UNC13C: variants seen among roughly 807,000 people sequenced by gnomAD.
UNC13C encodes protein unc-13 homolog C.
Under a neutral mutation model 245.4 loss-of-function variants are expected in UNC13C, and 174 were observed. The observed-to-expected ratio is 0.71, with a 90% CI of 0.63 to 0.80. The LOEUF (loss-of-function observed/expected upper bound fraction) is 0.80, where lower values mean the gene tolerates loss of function less well. Among genes scored for constraint, UNC13C ranks in the 30% least tolerant of loss-of-function variants. The pLI is 0.00. For missense variants in UNC13C, 2,829 were observed against 2,602.9 expected (o/e 1.09, Z -1.89); for synonymous variants, 992 against 895.1 (o/e 1.11, Z -1.93).
At chr15:53,903,228 T>G in the UNC13C span, among the ~76,000 whole-genome samples, 24 of 152,338 alleles carry the variant, frequency 1.6e-4, no homozygotes, top group African/African-American at 5.8e-4. Context: ...CATCTCAGAT[T>G]TCAAGATTGG....
At chr15:54,505,766 A>ATTTTTT in intron 22 of UNC13C, among the ~76,000 whole-genome samples, 1 of 121,940 alleles carries the variant, frequency 8.2e-6, no homozygotes. Flanking sequence ...TTTTTTTGAG[A>ATTTTTT]CAATCTCGCT....
intron 2 of UNC13C, among the ~76,000 whole-genome samples, chr15:54,138,953 A>ATCTTTTTTTTTTTT (rs2031872234): frequency 2.1e-5 from 1 of 48,632 alleles, no homozygotes; most frequent in Non-Finnish European, 3.5e-5. Context: ...ATTTCCCCTA[A>ATCTTTTTTTTTTTT]TTTTTTTTTT....
chr15:53,893,977 A>G, the UNC13C span, among the ~76,000 whole-genome samples: 1 of 152,216 alleles, frequency 6.6e-6, no homozygotes, highest in Non-Finnish European at 1.5e-5. Context: ...TGGGGCAGGC[A>G]CTGGAGGGAA....
chr15:53,933,794 C>T, the UNC13C span, among the ~76,000 whole-genome samples: 2 of 152,142 alleles, frequency 1.3e-5, no homozygotes, highest in African/African-American at 4.8e-5. Context: ...GTTTATAAAC[C>T]TTCTCATTAC....
chr15:54,435,455 T>C (rs1260567900), intron 19 of UNC13C, among the ~76,000 whole-genome samples: 1 of 152,070 alleles, frequency 6.6e-6, no homozygotes, highest in Non-Finnish European at 1.5e-5. Flanking sequence ...GAAACTATCA[T>C]TCTCAGCAAA....
chr15:54,487,662 T>C (rs1229030367), intron 19 of UNC13C, among the ~76,000 whole-genome samples: 1 of 149,490 alleles, frequency 6.7e-6, no homozygotes, highest in Non-Finnish European at 1.5e-5. Flanking sequence ...AATGACTTGG[T>C]AGGCTGAGGC....
intron 18 of UNC13C, among the ~76,000 whole-genome samples, chr15:54,405,337 G>A (rs2040269238): frequency 6.6e-6 from 1 of 152,080 alleles, no homozygotes; most frequent in Non-Finnish European, 1.5e-5. Flanking sequence ...ATACTGCTAT[G>A]TATTATGCAG....
upstream of UNC13C, among the ~76,000 whole-genome samples, chr15:53,974,112 T>C (rs536297368): frequency 2.5e-4 from 38 of 152,168 alleles, no homozygotes; most frequent in Non-Finnish European, 1.9e-4. Flanking sequence ...ACTATAATGT[T>C]TTGCAAGTTT....
the UNC13C span, among the ~76,000 whole-genome samples, chr15:53,872,492 T>C: frequency 6.6e-6 from 1 of 152,178 alleles, no homozygotes; most frequent in Non-Finnish European, 1.5e-5. Flanking sequence ...GTCTAAATAT[T>C]TTCATTCCGC....
chr15:53,882,994 T>A, the UNC13C span, among the ~76,000 whole-genome samples: 1 of 152,074 alleles, frequency 6.6e-6, no homozygotes, highest in African/African-American at 2.4e-5. Flanking sequence ...ACCACCCGTA[T>A]GACACACATT....
intron 2 of UNC13C, among the ~76,000 whole-genome samples, chr15:54,067,154 T>C (rs1255759994): frequency 1.3e-5 from 2 of 152,176 alleles, no homozygotes; most frequent in Non-Finnish European, 2.9e-5. Context: ...GTTTTTTTAA[T>C]CTTGGTTGAA....
chr15:53,921,808 G>A, the UNC13C span, among the ~76,000 whole-genome samples: 1 of 152,116 alleles, frequency 6.6e-6, no homozygotes, highest in Non-Finnish European at 1.5e-5. Flanking sequence ...GCATCTTCAT[G>A]TTTACTTACT....
chr15:53,950,512 A>C, the UNC13C span, among the ~76,000 whole-genome samples: 8 of 151,644 alleles, frequency 5.3e-5, no homozygotes, highest in Admixed American at 2.0e-4. Flanking sequence ...TCAGTACTCT[A>C]ATTTTATAAT....
chr15:53,979,631 A>G (rs565002152), intron 1 of UNC13C, among the ~76,000 whole-genome samples: 8 of 152,260 alleles, frequency 5.3e-5, no homozygotes, highest in Admixed American at 5.3e-4. Context: ...AGACAGATAT[A>G]CAACAATAGT....
intron 2 of UNC13C, among the ~76,000 whole-genome samples, chr15:54,097,355 G>T (rs1280395091): frequency 6.6e-6 from 1 of 151,820 alleles, no homozygotes; most frequent in Non-Finnish European, 1.5e-5. Flanking sequence ...TTTTTTTTCT[G>T]ACAGGAGATA....
intron 4 of UNC13C, among the ~76,000 whole-genome samples, chr15:54,150,539 C>T (rs2032470625): frequency 6.6e-6 from 1 of 152,204 alleles, no homozygotes; most frequent in African/African-American, 2.4e-5. Flanking sequence ...CGCCAACTTT[C>T]TAAAACCCAT....
At chr15:54,308,959 A>G (rs1239151469) in intron 13 of UNC13C, among the ~76,000 whole-genome samples, 2 of 151,912 alleles carry the variant, frequency 1.3e-5, no homozygotes, top group African/African-American at 4.8e-5. Context: ...GTAATGCTGC[A>G]ATAAATATGG....
At chr15:53,871,721 C>T in the UNC13C span, among the ~76,000 whole-genome samples, 1 of 152,182 alleles carries the variant, frequency 6.6e-6, no homozygotes, top group Non-Finnish European at 1.5e-5. Context: ...AATTGTGAAT[C>T]CCAGAAATTG....
chr15:54,373,141 A>C (rs1319543390), intron 17 of UNC13C, among the ~76,000 whole-genome samples: 4 of 152,170 alleles, frequency 2.6e-5, no homozygotes, highest in Non-Finnish European at 5.9e-5. Context: ...CTCCTAGAAG[A>C]AGGAGCAACC....
Sources: allele counts gnomAD v4.1 joint callset (sites outside exome capture counted in the v4.1 genomes callset), GRCh38; gene constraint gnomAD v4.1.1; transcripts MANE v1.5; gene names NCBI Gene and HGNC (gene_info 2026-07-23, HGNC 2026-07-21).